The following SIMC1 variants were observed in gnomAD, a reference collection of about 807,000 sequenced individuals.
SIMC1 encodes SUMO interacting motifs containing 1, also known as SUMO-interacting motif-containing protein 1.
In SIMC1, 55 loss-of-function variants were observed where a neutral mutation model predicts 82.3. The ratio of observed to expected loss-of-function variants is 0.67; its 90% confidence interval spans 0.54 to 0.84. The LOEUF is 0.84. Among genes scored for constraint, SIMC1 ranks in the 40% least tolerant of loss-of-function variants. The pLI is 0.00. For missense variants in SIMC1, 915 were observed against 1,107.2 expected (o/e 0.83, Z 2.46); for synonymous variants, 353 against 426.3 (o/e 0.83, Z 2.12).
intron 4 of SIMC1, among the ~76,000 whole-genome samples, chr5:176,307,869 C>T (rs1764494878): frequency 6.6e-6 from 1 of 152,064 alleles, no homozygotes; most frequent in Non-Finnish European, 1.5e-5. Context: ...ATTTATTTGC[C>T]CTATCTATTC....
chr5:176,338,795 T>A (rs1766010931), intron 9 of SIMC1, among the ~76,000 whole-genome samples: 2 of 147,028 alleles, frequency 1.4e-5, no homozygotes, highest in African/African-American at 2.5e-5. Flanking sequence ...GTAGAGACTT[T>A]AAAAAAAAAA....
intron 1 of SIMC1, among the ~76,000 whole-genome samples, chr5:176,283,271 A>G (rs1313764219): frequency 6.6e-6 from 1 of 152,248 alleles, no homozygotes; most frequent in Non-Finnish European, 1.5e-5. Flanking sequence ...GGGCAGCCAG[A>G]GAGAAAGGTT....
chr5:176,273,996 T>A (rs1762566669), intron 1 of SIMC1, among the ~76,000 whole-genome samples: 1 of 150,828 alleles, frequency 6.6e-6, no homozygotes, highest in Admixed American at 6.6e-5. Context: ...GCAGCATGAT[T>A]TATAGTCCTT....
intron 7 of SIMC1, among the ~76,000 whole-genome samples, chr5:176,335,273 C>CTTTTTTTT (rs1225021593): frequency 2.2e-4 from 22 of 98,638 alleles, no homozygotes; most frequent in Non-Finnish European, 3.2e-4. Flanking sequence ...TTCTTTGTAT[C>CTTTTTTTT]TTTTTTTTTT....
At chr5:176,283,086 T>C (rs1034301639) in intron 1 of SIMC1, among the ~76,000 whole-genome samples, 14 of 152,146 alleles carry the variant, frequency 9.2e-5, no homozygotes, top group Non-Finnish European at 1.5e-4. Context: ...TGGAACCAAG[T>C]TGGAAAACAC....
chr5:176,341,245 T>A (rs1275151743), intron 9 of SIMC1, among the ~76,000 whole-genome samples: 1 of 152,174 alleles, frequency 6.6e-6, no homozygotes, highest in Non-Finnish European at 1.5e-5. Flanking sequence ...CCAAGGGCCT[T>A]GAGGCAAAAA....
chr5:176,283,643 C>A (rs567506260), intron 1 of SIMC1, among the ~76,000 whole-genome samples: 3 of 152,306 alleles, frequency 2.0e-5, no homozygotes, highest in African/African-American at 7.2e-5. Flanking sequence ...CAGCTAACAT[C>A]ATAATGACAG....
intron 1 of SIMC1, among the ~76,000 whole-genome samples, chr5:176,240,802 A>G (rs1761254715): frequency 1.1e-5 from 1 of 91,184 alleles, no homozygotes. Flanking sequence ...AGTTCTGTCA[A>G]CTCTCAGCTT....
chr5:176,336,718 A>G lies in SIMC1; in HGVS notation c.2172-2A>G, dbSNP rs762781110. On this transcript the variant is annotated splice_acceptor_variant, in intron 7 of 9. Transcript: ENST00000429602. LOFTEE classifies it high-confidence loss of function. Reference sequence around the variant, plus strand: ...AACTCCCTCTTCCTCTTCTCCACACAGAGAAATGTTCTTTACTACCATGGA... The same window carrying G: ...AACTCCCTCTTCCTCTTCTCCACACGGAGAAATGTTCTTTACTACCATGGA... 3 of 1,613,814 alleles carry G rather than the reference A, an allele frequency of 1.9e-6. No homozygotes were observed. The Admixed American group carries it at 5.0e-5, about 27-fold the overall frequency.
At chr5:176,344,676 G>C (rs910098866) in intron 9 of SIMC1, among the ~76,000 whole-genome samples, 1 of 152,140 alleles carries the variant, frequency 6.6e-6, no homozygotes, top group African/African-American at 2.4e-5. Flanking sequence ...GTGAGGAGGT[G>C]CTACGTAAAC....
chr5:176,344,899 C>T (rs1212056518), intron 9 of SIMC1, among the ~76,000 whole-genome samples: 1 of 152,100 alleles, frequency 6.6e-6, no homozygotes, highest in Admixed American at 6.6e-5. Context: ...CTAATTGTTT[C>T]CTCAGTATTT....
chr5:176,293,881 T>C (rs1763689471), intron 2 of SIMC1, among the ~76,000 whole-genome samples: 1 of 152,002 alleles, frequency 6.6e-6, no homozygotes, highest in African/African-American at 2.4e-5. Flanking sequence ...GAAGAGCACA[T>C]AGAGAAAAAA....
At position 176,313,725 on chromosome 5, in the gene SIMC1, G is replaced by A. The variant is rs1225721094; in HGVS notation, c.1769G>A (p.Arg590His). 5 of 1,613,852 alleles carry A rather than the reference G, an allele frequency of 3.1e-6. No individual in the cohort carries two copies. The highest frequency in any genetic ancestry group is 2.2e-5 in the East Asian group (1 of 44,862). ...CTGCCTGGGCGAGTCCTTTTCCTGC[G>A]TTATGTCGTTCAGACCCTAGAAGAT... is the stretch of plus-strand genomic sequence containing the variant. Reference protein sequence around the residue: ...QTLPGRVLFLRYVVQTLEDDF... With the variant: ...QTLPGRVLFLHYVVQTLEDDF... The change falls in exon 5 of 10, where the codon CGT (arginine) becomes CAT (histidine). Residue 590 changes from arginine (R) to histidine (H), a missense_variant. Around this residue, in one of 2 missense-constraint regions of SIMC1, gnomAD observed 902 missense variants for 1,040.3 expected, o/e 0.87. Transcript: ENST00000429602.
chr5:176,305,856 G>A (rs1274322523), intron 4 of SIMC1, among the ~76,000 whole-genome samples: 1 of 82,826 alleles, frequency 1.2e-5, no homozygotes, highest in African/African-American at 5.0e-5. Context: ...AGGGAGGTGG[G>A]GGGGGTCAGC....
intron 5 of SIMC1, among the ~76,000 whole-genome samples, chr5:176,316,122 C>T (rs1764891942): frequency 6.6e-6 from 1 of 151,958 alleles, no homozygotes; most frequent in South Asian, 2.1e-4. Flanking sequence ...TTGCAGTAAG[C>T]CGAGATCACA....
At chr5:176,313,282 T>C in intron 4 of SIMC1, 1 of 1,417,744 alleles carries the variant, frequency 7.1e-7, no homozygotes, top group Non-Finnish European at 9.2e-7. Context: ...TAGTTTTGGG[T>C]ATATCCTGAG....
chr5:176,308,426 T>C, intron 4 of SIMC1: 2 of 1,607,702 alleles, frequency 1.2e-6, no homozygotes, highest in Non-Finnish European at 1.7e-6. Context: ...TGGGCTGGTA[T>C]CATTCCCATC....
chr5:176,277,351 C>A lies in SIMC1; in HGVS notation c.130-12303C>A, dbSNP rs192978115. On this transcript the variant is annotated intron_variant, in intron 1 of 9. Transcript: ENST00000429602. ...TCATTGTAGATTCTGGATATTAGCC[C>A]TTTGTCTGATGAGTGGGTTGCAAAA... Among the ~76,000 whole-genome samples, 46 of 151,896 alleles carry A rather than the reference C, an allele frequency of 3.0e-4. 2 individuals carry two copies. In the East Asian group the frequency reaches 8.3e-3, roughly 27 times the overall value.
At chr5:176,263,053 C>A (rs954161359) in intron 1 of SIMC1, among the ~76,000 whole-genome samples, 16 of 151,904 alleles carry the variant, frequency 1.1e-4, no homozygotes, top group African/African-American at 3.9e-4. Flanking sequence ...TACATTAGCA[C>A]TCCCAGAAAT....
Sources: allele counts gnomAD v4.1 joint callset (sites outside exome capture counted in the v4.1 genomes callset), GRCh38; gene constraint gnomAD v4.1.1; regional missense constraint gnomAD v4.1.1; transcripts MANE v1.5; gene names NCBI Gene and HGNC (gene_info 2026-07-23, HGNC 2026-07-21).